Variants in CHST8 observed in about 807,000 individuals in gnomAD.
CHST8 encodes GALNAC-4-ST1.
In CHST8, 10 loss-of-function variants were observed where a neutral mutation model predicts 15.0. The observed-to-expected ratio is 0.67, with a 90% CI of 0.41 to 1.13. The LOEUF is 1.13. CHST8 is among the 50% of genes most tolerant of loss of function. The pLI, the probability that CHST8 is intolerant of heterozygous loss-of-function variation, is 0.00. For synonymous variants in CHST8, 259 were observed against 256.6 expected (o/e 1.01, Z -0.09); for missense variants, 634 against 608.2 (o/e 1.04, Z -0.45).
rs113529835 is a variant in CHST8 at position 33,747,635 on chromosome 19, C to T, written c.131-23778C>T. Among the ~76,000 whole-genome samples, 34 of 152,162 alleles carry T rather than the reference C, an allele frequency of 2.2e-4. 1 individual carries two copies. The highest frequency in any genetic ancestry group is 4.3e-4 in the African/African-American group (18 of 41,494). On this transcript the variant is annotated intron_variant, in intron 3 of 4. Coordinates refer to ENST00000650847, the MANE Select transcript of CHST8 (RefSeq NM_001127895.2). ...ACAGAATTCTGTGAAGTGATTACCC[C>T]GGCAGGAGCAGGAGAGGGCTGTCCA... is the stretch of plus-strand genomic sequence containing the variant.
chr19:33,677,303 G>A (rs1353846812), intron 2 of CHST8, among the ~76,000 whole-genome samples: 1 of 152,196 alleles, frequency 6.6e-6, no homozygotes, highest in Non-Finnish European at 1.5e-5. Context: ...CACGTACAGG[G>A]ATCATAATGG....
chr19:33,757,221 C>T (rs1974563423), intron 3 of CHST8, among the ~76,000 whole-genome samples: 1 of 151,446 alleles, frequency 6.6e-6, no homozygotes. Context: ...AAAACCCCGT[C>T]TTTACTGAAA....
chr19:33,642,208 G>A (rs1972292821), intron 1 of CHST8, among the ~76,000 whole-genome samples: 1 of 152,150 alleles, frequency 6.6e-6, no homozygotes, highest in African/African-American at 2.4e-5. Context: ...TGGGACTGCA[G>A]ATGGGTGGGC....
intron 3 of CHST8, among the ~76,000 whole-genome samples, chr19:33,765,168 A>G (rs1974808746): frequency 6.6e-6 from 1 of 151,006 alleles, no homozygotes; most frequent in Non-Finnish European, 1.5e-5. Context: ...AGAAGAGGAG[A>G]AGAGACACAC....
chr19:33,726,616 T>C (rs1973906020), intron 3 of CHST8, among the ~76,000 whole-genome samples: 1 of 152,124 alleles, frequency 6.6e-6, no homozygotes, highest in African/African-American at 2.4e-5. Flanking sequence ...GAACTCCCTC[T>C]GGGTGGCTCA....
intron 1 of CHST8, among the ~76,000 whole-genome samples, chr19:33,626,175 A>C (rs2145431166): frequency 6.6e-6 from 1 of 152,294 alleles, no homozygotes; most frequent in East Asian, 1.9e-4. Flanking sequence ...TGGTCAGTAA[A>C]TCAGCATGGC....
rs1466985876 is a variant in CHST8 at position 33,757,434 on chromosome 19, G to T, written c.131-13979G>T. On this transcript the variant is annotated intron_variant, in intron 3 of 4. Transcript: ENST00000650847. Reference sequence around the variant, plus strand: ...AGAAAGAAAGAAAGAAAGAAAGAAAGAAAGAAAGAAAGAAAGAAAGAAAGA... The same window carrying T: ...AGAAAGAAAGAAAGAAAGAAAGAAATAAAGAAAGAAAGAAAGAAAGAAAGA... 2.7e-4 allele frequency among the ~76,000 whole-genome samples: 5 copies of T among 18,212 alleles called. 1 individual carries two copies. The highest frequency in any genetic ancestry group is 6.9e-4 in the African/African-American group (3 of 4,340). 11.9% of individuals were successfully genotyped at this position (18,212 alleles called of 152,430 possible).
At chr19:33,642,364 CTT>C (rs67556358) in intron 1 of CHST8, among the ~76,000 whole-genome samples, 5 of 150,444 alleles carry the variant, frequency 3.3e-5, no homozygotes, top group South Asian at 4.2e-4. Flanking sequence ...CTTCATAAGT[CTT>C]TTTTTTTTCT....
chr19:33,654,566 G>A (rs1164209477), intron 1 of CHST8, among the ~76,000 whole-genome samples: 1 of 151,710 alleles, frequency 6.6e-6, no homozygotes, highest in African/African-American at 2.4e-5. Context: ...CATCAGTTTG[G>A]GACTTATTTT....
At chr19:33,744,973 T>G (rs943007914) in intron 3 of CHST8, among the ~76,000 whole-genome samples, 1 of 152,172 alleles carries the variant, frequency 6.6e-6, no homozygotes, top group Non-Finnish European at 1.5e-5. Flanking sequence ...GGTCTCGAAC[T>G]CCTGACCTTG....
chr19:33,766,409 C>T lies in CHST8; in HGVS notation c.131-5004C>T, dbSNP rs372168547. ...TCCCCCAACCCGCCCACCTTCTCTC[C>T]TGCCAGCACCCTGCACTCGGGGCAG... On this transcript the variant is annotated intron_variant, in intron 3 of 4. Coordinates refer to ENST00000650847, the MANE Select transcript of CHST8 (RefSeq NM_001127895.2). Among the ~76,000 whole-genome samples, 35 of 152,358 alleles carry T rather than the reference C, an allele frequency of 2.3e-4. 1 individual carries two copies. Among genetic ancestry groups the T allele is most frequent in the African/African-American group, 8.2e-4 (34 of 41,592 alleles).
intron 1 of CHST8, among the ~76,000 whole-genome samples, chr19:33,665,942 G>C (rs1972652392): frequency 6.6e-6 from 1 of 152,248 alleles, no homozygotes; most frequent in South Asian, 2.1e-4. Context: ...AGGTTTGGGA[G>C]GGGACAAGTG....
chr19:33,648,137 C>T (rs60528158), intron 1 of CHST8, among the ~76,000 whole-genome samples: 32,549 of 151,730 alleles, frequency 0.21, 4,878 homozygotes, highest in East Asian at 0.43. Flanking sequence ...GGGTCAAAGC[C>T]GGGAGGGCAG....
intron 3 of CHST8, among the ~76,000 whole-genome samples, chr19:33,707,204 C>T (rs570765196): frequency 1.3e-5 from 2 of 152,310 alleles, no homozygotes; most frequent in African/African-American, 4.8e-5. Context: ...AGGCACATGC[C>T]ACTGTGCCCG....
intron 2 of CHST8, among the ~76,000 whole-genome samples, chr19:33,680,289 T>C (rs1214431389): frequency 6.6e-6 from 1 of 152,252 alleles, no homozygotes; most frequent in Non-Finnish European, 1.5e-5. Context: ...CTTTTTCTTT[T>C]CTTTCCCTCA....
At chr19:33,642,564 T>C (rs1410414884) in intron 1 of CHST8, among the ~76,000 whole-genome samples, 1 of 152,100 alleles carries the variant, frequency 6.6e-6, no homozygotes, top group African/African-American at 2.4e-5. Context: ...GGTTTCACCA[T>C]GTTGGCCAGG....
At position 33,644,362 on chromosome 19, in the gene CHST8, A is replaced by G. The variant is rs1170089561; in HGVS notation, c.-164+22066A>G. On this transcript the variant is annotated intron_variant, in intron 1 of 4. Transcript: ENST00000650847. ...TCTAGGCACTGGGGGATACAGCAGG[A>G]CGTGAAGCAGAGGTGAATCCCAGCC... Among the ~76,000 whole-genome samples, 9 of 152,284 alleles carry G rather than the reference A, an allele frequency of 5.9e-5. No homozygotes were observed. In the East Asian group the frequency reaches 1.5e-3, roughly 26 times the overall value.
intron 1 of CHST8, among the ~76,000 whole-genome samples, chr19:33,640,093 C>A (rs1226034831): frequency 6.6e-6 from 1 of 152,140 alleles, no homozygotes; most frequent in African/African-American, 2.4e-5. Context: ...CCGCCCACCT[C>A]GGCTTCCCAA....
intron 3 of CHST8, among the ~76,000 whole-genome samples, chr19:33,708,798 GA>G (rs1973493362): frequency 6.6e-6 from 1 of 152,176 alleles, no homozygotes; most frequent in African/African-American, 2.4e-5. Flanking sequence ...GAATGGCATT[GA>G]CTGTAATAAT....
Sources: allele counts gnomAD v4.1 joint callset (sites outside exome capture counted in the v4.1 genomes callset), GRCh38; gene constraint gnomAD v4.1.1; transcripts MANE v1.5; gene names NCBI Gene and HGNC (gene_info 2026-07-23, HGNC 2026-07-21).